The following TTC8 variants were observed in gnomAD, a reference collection of about 807,000 sequenced individuals.
The protein encoded by TTC8 is tetratricopeptide repeat protein 8.
Under a neutral mutation model 72.5 loss-of-function variants are expected in TTC8, and 47 were observed. That is an observed-to-expected ratio of 0.65 (90% confidence interval 0.51 to 0.83). The LOEUF (loss-of-function observed/expected upper bound fraction) is 0.83. TTC8 is among the 40% of genes least tolerant of loss of function. The pLI is 0.00. For missense variants in TTC8, 611 were observed against 623.2 expected, an observed-to-expected ratio of 0.98 and a Z score of 0.21; for synonymous variants, 199 against 221.4, an observed-to-expected ratio of 0.90 and a Z score of 0.90.
rs550383789 is a variant in TTC8, at chr14:88,857,415, T to C, written c.798+138T>C. 421 of 775,944 alleles carry C rather than the reference T, an allele frequency of 5.4e-4. 6 individuals carry two copies. The highest frequency in any genetic ancestry group is 4.4e-3 in the South Asian group (297 of 67,162). The allele number at this position is 775,944 out of a possible 1,614,324, so 48.1% of individuals were successfully genotyped here. ...TGTTTAGATTTAACTTGTTTTTCTTTACAGCAAGGGAAAAAATGAGAACGT... is the reference window on the plus strand; with the variant it reads ...TGTTTAGATTTAACTTGTTTTTCTTCACAGCAAGGGAAAAAATGAGAACGT... On this transcript the variant is annotated intron_variant, in intron 9 of 14. Coordinates refer to ENST00000380656, the MANE Select transcript of TTC8 (RefSeq NM_144596.4).
In TTC8 at chr14:88,829,680, G is replaced by A. The variant is rs551366822; in HGVS notation, c.115-4013G>A. ...AGACTTTTTTCTAACTTACATTCTC[G>A]TTTTGCCCCAATCTCTGCTTATAAT... On this transcript the variant is annotated intron_variant, in intron 1 of 14. Transcript: ENST00000380656. Among the ~76,000 whole-genome samples the A allele has an allele frequency of 3.9e-5, 6 of 152,258 alleles. No individual in the cohort carries two copies. The South Asian group carries it at 8.3e-4, about 21-fold the overall frequency.
At chr14:88,825,732 T>A (rs1219149188) in intron 1 of TTC8, among the ~76,000 whole-genome samples, 1 of 152,110 alleles carries the variant, frequency 6.6e-6, no homozygotes, top group African/African-American at 2.4e-5. Context: ...AATGGAAAAT[T>A]GAAGGGAGTT....
intron 2 of TTC8, among the ~76,000 whole-genome samples, 181 bp from the exon 3 acceptor site, chr14:88,839,271 T>G (rs928348144): frequency 2.7e-4 from 41 of 152,024 alleles, no homozygotes; most frequent in Non-Finnish European, 8.8e-5. Context: ...GTTTCTTGAT[T>G]AATAATGATG....
rs993595465 is a variant in TTC8, at chr14:88,857,861, G to A, written c.798+584G>A. On this transcript the variant is annotated intron_variant, in intron 9 of 14. Transcript: ENST00000380656. Reference sequence around the variant, plus strand: ...AGGGTCCCTTGGTGGTTAGGAGTTAGCATTCAGATCCAGGTCTTTCTGACT... The same window carrying A: ...AGGGTCCCTTGGTGGTTAGGAGTTAACATTCAGATCCAGGTCTTTCTGACT... Among the ~76,000 whole-genome samples, 53 of 152,146 alleles carry A rather than the reference G, an allele frequency of 3.5e-4. 1 individual carries two copies. Among genetic ancestry groups the A allele is most frequent in the Non-Finnish European group, 3.4e-4 (23 of 68,034 alleles).
intron 10 of TTC8, among the ~76,000 whole-genome samples, chr14:88,865,475 C>A (rs11627873): frequency 0.33 from 50,186 of 151,992 alleles, 8,646 homozygotes; most frequent in Non-Finnish European, 0.39. Flanking sequence ...TCGAGACCAG[C>A]CTGACCAATA....
chr14:88,837,860 T>C (rs889470805), intron 2 of TTC8, among the ~76,000 whole-genome samples: 2 of 152,340 alleles, frequency 1.3e-5, no homozygotes, highest in African/African-American at 4.8e-5. Context: ...ACAGTTCCAA[T>C]TGGAGTTCCA....
intron 7 of TTC8, among the ~76,000 whole-genome samples, chr14:88,845,180 T>C (rs1444749678): frequency 6.6e-6 from 1 of 151,764 alleles, no homozygotes; most frequent in African/African-American, 2.4e-5. Context: ...AAAATTGGAG[T>C]TCCACAGAGA....
At chr14:88,841,560 A>G (rs540576924) in intron 6 of TTC8, 46 bp downstream of exon 6, 5 of 1,408,130 alleles carry the variant, frequency 3.6e-6, no homozygotes, top group African/African-American at 1.4e-5. Flanking sequence ...TATTACACGT[A>G]TGATGATAAT....
intron 10 of TTC8, among the ~76,000 whole-genome samples, chr14:88,862,329 G>T (rs2094889551): frequency 6.6e-6 from 1 of 150,968 alleles, no homozygotes; most frequent in Admixed American, 6.6e-5. Context: ...ATTTAAATTG[G>T]ATTGCTTGTT....
chr14:88,858,061 G>A (rs1162138170), intron 9 of TTC8, among the ~76,000 whole-genome samples: 2 of 151,058 alleles, frequency 1.3e-5, no homozygotes, highest in Non-Finnish European at 2.9e-5. Flanking sequence ...TCCTAGATTC[G>A]AGTGATTCTC....
Position 88,871,701 on chromosome 14 carries a change from A to G in TTC8, c.1202A>G (p.Tyr401Cys). The G allele has an allele frequency of 1.2e-6, 2 of 1,614,106 alleles. No homozygotes were observed. The change falls in exon 12 of 15, where the codon TAC (tyrosine) becomes TGC (cysteine). Residue 401 changes from tyrosine to cysteine, a missense_variant. Coordinates refer to ENST00000380656, the MANE Select transcript of TTC8 (RefSeq NM_144596.4). The surrounding 1 kb of genome is among the most constrained non-coding windows in gnomAD (Gnocchi z 4.1). ...ENEEEAADVW[Y>C]NLGHVAVGIG... ...GAAGAAGAGGCAGCTGATGTCTGGT[A>G]CAACTTGGGACATGTAGCTGTGGTA...
At chr14:88,832,527 C>G (rs1323477535) in intron 1 of TTC8, among the ~76,000 whole-genome samples, 1 of 152,004 alleles carries the variant, frequency 6.6e-6, no homozygotes, top group Non-Finnish European at 1.5e-5. Context: ...GCATTTGATT[C>G]CCTCAACCGT....
chr14:88,857,102 C>G, intron 8 of TTC8, 88 bp from the exon 9 acceptor site: 1 of 1,136,874 alleles, frequency 8.8e-7, no homozygotes. Context: ...TGTGCTTCCT[C>G]TTATAATTTG....
At position 88,860,397 on chromosome 14, in the gene TTC8, A is replaced by G. The variant is rs202149950; in HGVS notation, c.799-825A>G. On this transcript the variant is annotated intron_variant, in intron 9 of 14. Coordinates refer to ENST00000380656, the MANE Select transcript of TTC8 (RefSeq NM_144596.4). ...TTAAGTATATGGTTTACTCATGCTA[A>G]TGTTCTAATTGCTAATGAAGTGGAA... 4.6e-5 allele frequency among the ~76,000 whole-genome samples: 7 copies of G among 152,314 alleles called. No homozygotes were observed. In the East Asian group the frequency reaches 1.2e-3, roughly 25 times the overall value.
At chr14:88,836,233 G>A (rs1176978459) in intron 2 of TTC8, among the ~76,000 whole-genome samples, 2 of 152,154 alleles carry the variant, frequency 1.3e-5, no homozygotes, top group African/African-American at 4.8e-5. Flanking sequence ...GCTCACACCT[G>A]TAAACGCAGC....
intron 10 of TTC8, among the ~76,000 whole-genome samples, chr14:88,867,712 C>T (rs1377145964): frequency 1.3e-5 from 2 of 152,156 alleles, no homozygotes; most frequent in African/African-American, 4.8e-5. Flanking sequence ...CTCGAGATTA[C>T]ATAAATTAAT....
At chr14:88,864,074 T>C (rs2094899593) in intron 10 of TTC8, among the ~76,000 whole-genome samples, 1 of 152,188 alleles carries the variant, frequency 6.6e-6, no homozygotes, top group South Asian at 2.1e-4. Flanking sequence ...ATCATTTTGT[T>C]AGAAAAGAAT....
intron 1 of TTC8, among the ~76,000 whole-genome samples, chr14:88,833,084 G>A (rs1442397724): frequency 6.6e-6 from 1 of 152,184 alleles, no homozygotes; most frequent in Non-Finnish European, 1.5e-5. Flanking sequence ...TAGAAAGCAA[G>A]GATCTTTTTT....
intron 13 of TTC8, 57 bp from the exon 14 acceptor site, chr14:88,874,969 G>C (rs72697970): frequency 0.013 from 16,517 of 1,314,976 alleles, 139 homozygotes; most frequent in Non-Finnish European, 0.015. Context: ...ACACAAATAT[G>C]GTGCTGATAT....
Sources: allele counts gnomAD v4.1 joint callset (sites outside exome capture counted in the v4.1 genomes callset), GRCh38; gene constraint gnomAD v4.1.1; non-coding constraint Gnocchi (gnomAD v3.1); transcripts MANE v1.5; gene names NCBI Gene and HGNC (gene_info 2026-07-23, HGNC 2026-07-21).